The following MGAT4C variants were observed in gnomAD, a reference collection of about 807,000 sequenced individuals.
The protein encoded by MGAT4C is MGAT4 family member C.
MGAT4C carries 19 observed loss-of-function variants against 40.1 expected under a neutral mutation model. That is an observed-to-expected ratio of 0.47 (90% CI 0.33 to 0.70). The LOEUF (loss-of-function observed/expected upper bound fraction) is 0.70, where lower values mean the gene tolerates loss of function less well. Among genes scored for constraint, MGAT4C ranks in the 30% least tolerant of loss-of-function variants. The pLI is 0.02. For synonymous variants in MGAT4C, 181 were observed against 187.1 expected (o/e 0.97, Z 0.27); for missense variants, 491 against 563.2 (o/e 0.87, Z 1.30).
At chr12:86,784,787 A>T (rs2136187271) in intron 1 of MGAT4C, among the ~76,000 whole-genome samples, 1 of 152,118 alleles carries the variant, frequency 6.6e-6, no homozygotes, top group South Asian at 2.1e-4. Flanking sequence ...AAGACATTGA[A>T]GGTCAATGTC....
At chr12:86,625,892 A>G (rs892934671) in intron 2 of MGAT4C, among the ~76,000 whole-genome samples, 7 of 152,186 alleles carry the variant, frequency 4.6e-5, no homozygotes, top group East Asian at 3.8e-4. Context: ...TATCCATACA[A>G]TAATGACATT....
chr12:86,138,577 T>TCATATATATATTTC (rs1398966456), intron 1 of MGAT4C, among the ~76,000 whole-genome samples: 2 of 146,844 alleles, frequency 1.4e-5, no homozygotes, highest in Non-Finnish European at 3.0e-5. Flanking sequence ...CATAGATATA[T>TCATATATATATTTC]CATATATATA....
intron 1 of MGAT4C, among the ~76,000 whole-genome samples, chr12:86,771,060 G>T (rs761879094): frequency 2.3e-4 from 35 of 152,086 alleles, no homozygotes; most frequent in Non-Finnish European, 4.0e-4. Context: ...GTCCTTATAA[G>T]AAGAGGTAAT....
At chr12:86,670,153 T>G (rs1003662844) in intron 2 of MGAT4C, among the ~76,000 whole-genome samples, 1 of 152,154 alleles carries the variant, frequency 6.6e-6, no homozygotes, top group African/African-American at 2.4e-5. Flanking sequence ...ATTAAAAAAC[T>G]GAGTGTAGTG....
chr12:86,379,958 G>T (rs1339192846), intron 3 of MGAT4C, among the ~76,000 whole-genome samples: 1 of 152,086 alleles, frequency 6.6e-6, no homozygotes, highest in Non-Finnish European at 1.5e-5. Context: ...AGTGGGTGTT[G>T]TATAGGAGAG....
intron 2 of MGAT4C, among the ~76,000 whole-genome samples, chr12:86,659,171 T>A (rs919689445): frequency 3.9e-5 from 6 of 151,946 alleles, no homozygotes; most frequent in African/African-American, 1.5e-4. Flanking sequence ...TTATAGCACT[T>A]TTTTTTCACT....
rs565243227 is a variant in MGAT4C at position 86,062,981 on chromosome 12, C to T, written c.-56-13258G>A. 5.3e-5 allele frequency among the ~76,000 whole-genome samples: 8 copies of T among 152,224 alleles called. No individual in the cohort carries two copies. In the South Asian group the frequency reaches 1.2e-3, roughly 24 times the overall value. On this transcript the variant is annotated intron_variant, in intron 1 of 4. Coordinates refer to ENST00000611864, the MANE Select transcript of MGAT4C (RefSeq NM_001351288.2). Reference sequence around the variant, plus strand: ...TATTATCCAGGAGAACTTCCCCAACCTAGCAAGATAGGCCAACACTCAAAA... The same window carrying T: ...TATTATCCAGGAGAACTTCCCCAACTTAGCAAGATAGGCCAACACTCAAAA...
At chr12:86,111,616 T>A (rs1877428231) in intron 1 of MGAT4C, among the ~76,000 whole-genome samples, 1 of 151,826 alleles carries the variant, frequency 6.6e-6, no homozygotes, top group Non-Finnish European at 1.5e-5. Context: ...ATTCCCTTGA[T>A]TAGTGAGAAT....
At chr12:86,715,412 T>A (rs1282844999) in intron 2 of MGAT4C, among the ~76,000 whole-genome samples, 2 of 152,122 alleles carry the variant, frequency 1.3e-5, no homozygotes, top group African/African-American at 4.8e-5. Flanking sequence ...TTGGTTATGC[T>A]CTGTTTCTTG....
intron 2 of MGAT4C, among the ~76,000 whole-genome samples, chr12:86,709,468 A>T (rs1950520153): frequency 6.6e-6 from 1 of 152,166 alleles, no homozygotes; most frequent in South Asian, 2.1e-4. Context: ...TTGTACTTAG[A>T]CTCAAAGTAT....
chr12:86,216,015 G>A (rs1950657677), intron 1 of MGAT4C, among the ~76,000 whole-genome samples: 1 of 152,104 alleles, frequency 6.6e-6, no homozygotes, highest in Non-Finnish European at 1.5e-5. Context: ...AATCCAGAAA[G>A]AGGTCTCAGA....
At chr12:86,685,830 T>A (rs1950062410) in intron 2 of MGAT4C, among the ~76,000 whole-genome samples, 1 of 151,984 alleles carries the variant, frequency 6.6e-6, no homozygotes, top group Non-Finnish European at 1.5e-5. Context: ...TGGCTCTCTG[T>A]TTTTCTATTA....
At chr12:86,321,923 C>T (rs1954399614) in intron 4 of MGAT4C, among the ~76,000 whole-genome samples, 1 of 151,970 alleles carries the variant, frequency 6.6e-6, no homozygotes, top group African/African-American at 2.4e-5. Context: ...CAAATGCACA[C>T]GTATGTTTAT....
intron 4 of MGAT4C, among the ~76,000 whole-genome samples, chr12:86,308,266 A>T (rs1273116386): frequency 6.6e-6 from 1 of 150,590 alleles, no homozygotes; most frequent in Non-Finnish European, 1.5e-5. Flanking sequence ...TTGTTCCTTT[A>T]GAAAAGAATT....
intron 3 of MGAT4C, among the ~76,000 whole-genome samples, chr12:86,399,351 G>A (rs1251762274): frequency 6.6e-6 from 1 of 150,710 alleles, no homozygotes; most frequent in Non-Finnish European, 1.5e-5. Flanking sequence ...GCGCAATCTC[G>A]GCTCACAGCA....
At chr12:86,417,435 G>A (rs1202971924) in intron 3 of MGAT4C, among the ~76,000 whole-genome samples, 1 of 151,958 alleles carries the variant, frequency 6.6e-6, no homozygotes, top group Non-Finnish European at 1.5e-5. Flanking sequence ...TCTATTGATG[G>A]AAGTTTATTT....
At chr12:86,615,184 CA>C (rs1962410406) in intron 2 of MGAT4C, among the ~76,000 whole-genome samples, 1 of 151,578 alleles carries the variant, frequency 6.6e-6, no homozygotes, top group Non-Finnish European at 1.5e-5. Flanking sequence ...TATACTAGGG[CA>C]ATATACTGAA....
intron 1 of MGAT4C, among the ~76,000 whole-genome samples, chr12:86,776,699 C>T (rs1278397672): frequency 6.6e-6 from 1 of 151,814 alleles, no homozygotes; most frequent in Non-Finnish European, 1.5e-5. Context: ...ATAAAATATG[C>T]ATAATGTTTT....
rs74967371 is a variant in MGAT4C, at chr12:86,659,559, G to A, written c.-229+67650C>T. Among the ~76,000 whole-genome samples, 452 of 152,140 alleles carry A rather than the reference G, an allele frequency of 3.0e-3. 2 individuals are homozygous for A. Among genetic ancestry groups the A allele is most frequent in the African/African-American group, 0.01 (431 of 41,526 alleles). On this transcript the variant is annotated intron_variant, in intron 2 of 7. Transcript: ENST00000548651. ...ATAGAAACATTAAATATTAAATAGG[G>A]TTGGAGTAATGAAGGGTAGGATAGT...
Sources: allele counts gnomAD v4.1 joint callset (sites outside exome capture counted in the v4.1 genomes callset), GRCh38; gene constraint gnomAD v4.1.1; transcripts MANE v1.5; gene names NCBI Gene and HGNC (gene_info 2026-07-23, HGNC 2026-07-21).